PLN: variants seen among roughly 807,000 people sequenced by gnomAD.
PLN encodes the protein cardiac phospholamban.
Under a neutral mutation model 3.9 loss-of-function variants are expected in PLN, and 1 was observed. The observed-to-expected ratio is 0.26, with a 90% CI of 0.09 to 1.23. The LOEUF (loss-of-function observed/expected upper bound fraction) is 1.23. Ranked by LOEUF, PLN falls within the 50% of genes most tolerant of loss-of-function variation. PLN has a pLI of 0.48. For missense variants in PLN, 59 were observed against 62.7 expected (o/e 0.94, Z 0.20); for synonymous variants, 21 against 20.5 (o/e 1.02, Z -0.07).
In PLN at chr6:118,558,990, A is replaced by G. The variant is rs775923421; in HGVS notation, c.69A>G (p.Gln23=). ...CCTCAACCATTGAAATGCCTCAACA[A>G]GCACGTCAAAAGCTACAGAATCTAT... is the stretch of plus-strand genomic sequence containing the variant. The part of the protein sequence containing the change: ...RRASTIEMPQ[Q]ARQKLQNLFI... The change falls in exon 2 of 2, where the codon CAA becomes CAG. Residue 23 remains glutamine (Q), a synonymous_variant. Coordinates refer to ENST00000357525, the MANE Select transcript of PLN (RefSeq NM_002667.5). 2.5e-6 allele frequency: 4 copies of G among 1,611,440 alleles called. No individual in the cohort carries two copies. The East Asian group carries it at 6.7e-5, about 27-fold the overall frequency.
chr6:118,561,704 T>C lies in PLN; in HGVS notation c.*2624T>C, dbSNP rs1779233451. 6.6e-6 allele frequency among the ~76,000 whole-genome samples: 1 copy of C among 152,134 alleles called. No homozygotes were observed. The highest frequency in any genetic ancestry group is 1.5e-5 in the Non-Finnish European group (1 of 68,016). ...AGAATCACTATATTAAAATGAATGTTCTTGAAAACTCAGTGGGGCTGCTCT... is the reference window on the plus strand; with the variant it reads ...AGAATCACTATATTAAAATGAATGTCCTTGAAAACTCAGTGGGGCTGCTCT... On this transcript the variant is annotated 3_prime_UTR_variant, in exon 2 of 2. Transcript: ENST00000357525.
At position 118,559,812 on chromosome 6, in the gene PLN, G is replaced by A. The variant is rs930141620; in HGVS notation, c.*732G>A. 3 of 167,318 alleles carry A rather than the reference G, an allele frequency of 1.8e-5. No individual in the cohort carries two copies. Among genetic ancestry groups the A allele is most frequent in the African/African-American group, 7.2e-5 (3 of 41,440 alleles). The allele number at this position is 167,318 out of a possible 1,614,324, so 10.4% of individuals were successfully genotyped here. ...ATCATAAATCTGTTCTAAGACATAT[G>A]ATCAACAGATGAGAACTGGTGGTTA... On this transcript the variant is annotated 3_prime_UTR_variant, in exon 2 of 2. Transcript: ENST00000357525.
chr6:118,558,658 C>CAGAG (rs1210740872), intron 1 of PLN, among the ~76,000 whole-genome samples, 167 bp from the exon 2 acceptor site: 8 of 124,982 alleles, frequency 6.4e-5, no homozygotes, highest in Middle Eastern at 3.9e-3. Context: ...CACACACACA[C>CAGAG]ACAGAGAGAG....
At position 118,552,059 on chromosome 6, in the gene PLN, C is replaced by G. The variant is rs148187936; in HGVS notation, c.-98+3667C>G. Among the ~76,000 whole-genome samples the G allele has an allele frequency of 2.7e-3, 414 of 152,118 alleles. 2 individuals carry two copies. The highest frequency in any genetic ancestry group is 9.5e-3 in the African/African-American group (393 of 41,544). The stretch of plus-strand genomic sequence containing the variant: ...CAAATATAGACAAGTCCTGTTTATT[C>G]AATCTATAGAAAATTCTAATCTTCT... On this transcript the variant is annotated intron_variant, in intron 1 of 1. Coordinates refer to ENST00000357525, the MANE Select transcript of PLN (RefSeq NM_002667.5).
intron 1 of PLN, among the ~76,000 whole-genome samples, chr6:118,550,330 T>C (rs1778469094): frequency 1.3e-5 from 2 of 151,738 alleles, no homozygotes; most frequent in African/African-American, 4.8e-5. Context: ...TTTAATGTAT[T>C]TTAATGTTTT....
At chr6:118,554,631 TG>T (rs780474834) in intron 1 of PLN, among the ~76,000 whole-genome samples, 6 of 152,192 alleles carry the variant, frequency 3.9e-5, no homozygotes, top group Non-Finnish European at 8.8e-5. Flanking sequence ...AAATTGAAAT[TG>T]TGCTATAATC....
At chr6:118,558,779 A>G in intron 1 of PLN, 46 bp from the exon 2 acceptor site, 1 of 697,668 alleles carries the variant, frequency 1.4e-6, no homozygotes, top group Non-Finnish European at 2.6e-6. Context: ...TTCTGAGGAT[A>G]GGTTACATAG....
intron 1 of PLN, among the ~76,000 whole-genome samples, chr6:118,556,668 T>C (rs531276936): frequency 6.6e-6 from 1 of 152,108 alleles, no homozygotes; most frequent in African/African-American, 2.4e-5. Flanking sequence ...GAAAATAAAA[T>C]CTGACACCTG....
intron 1 of PLN, among the ~76,000 whole-genome samples, chr6:118,551,966 G>T (rs1365305681): frequency 6.6e-6 from 1 of 151,990 alleles, no homozygotes; most frequent in Non-Finnish European, 1.5e-5. Flanking sequence ...AAGGGTATAT[G>T]CACATTCACT....
chr6:118,556,206 T>A lies in PLN; in HGVS notation c.-97-2619T>A, dbSNP rs543086557. Among the ~76,000 whole-genome samples, 3 of 152,354 alleles carry A rather than the reference T, an allele frequency of 2.0e-5. No individual in the cohort carries two copies. In the South Asian group the frequency reaches 6.2e-4, roughly 32 times the overall value. ...GGGTCGAATGGTAGTTCTGCTTTTA[T>A]AAGCTGCTATTTTCTAAGTAGAAGT... On this transcript the variant is annotated intron_variant, in intron 1 of 1. Transcript: ENST00000357525.
chr6:118,554,625 T>G (rs969169532), intron 1 of PLN, among the ~76,000 whole-genome samples: 1 of 152,282 alleles, frequency 6.6e-6, no homozygotes, highest in South Asian at 2.1e-4. Context: ...ACATGTAAAT[T>G]GAAATTGTGC....
chr6:118,551,846 T>C (rs577384992), intron 1 of PLN, among the ~76,000 whole-genome samples: 4 of 152,136 alleles, frequency 2.6e-5, no homozygotes, highest in South Asian at 4.1e-4. Flanking sequence ...AGTTTAGTAT[T>C]AGGCAATCTC....
chr6:118,554,667 C>T (rs187936704), intron 1 of PLN, among the ~76,000 whole-genome samples: 1 of 152,284 alleles, frequency 6.6e-6, no homozygotes, highest in Admixed American at 6.5e-5. Flanking sequence ...ATATAGATAA[C>T]ACTAAAGCCC....
Position 118,559,058 on chromosome 6 carries a change from G to GT in PLN, c.138dup (p.Ile47TyrfsTer14). On this transcript the variant is annotated frameshift_variant, in exon 2 of 2. Coordinates refer to ENST00000357525, the MANE Select transcript of PLN (RefSeq NM_002667.5). LOFTEE classifies it high-confidence loss of function. ...ATCTTAATATGTCTCTTGCTGATCT[G>GT]TATCATCGTGATGCTTCTCTGAAGT... 1 of 1,611,822 alleles carries GT rather than the reference G, an allele frequency of 6.2e-7. No homozygotes were observed. Among genetic ancestry groups the GT allele is most frequent in the Non-Finnish European group, 8.5e-7 (1 of 1,177,878 alleles).
intron 1 of PLN, among the ~76,000 whole-genome samples, chr6:118,553,643 C>T (rs1396765204): frequency 2.0e-5 from 3 of 152,124 alleles, no homozygotes; most frequent in African/African-American, 7.2e-5. Flanking sequence ...TATTTTTGGT[C>T]ATCTCCTTTA....
chr6:118,560,203 G>C lies in PLN; in HGVS notation c.*1123G>C, dbSNP rs1307256931. 1 of 166,980 alleles carries C rather than the reference G, an allele frequency of 6.0e-6. No individual in the cohort carries two copies. Among genetic ancestry groups the C allele is most frequent in the Non-Finnish European group, 1.5e-5 (1 of 68,092 alleles). 10.3% of individuals were successfully genotyped at this position (166,980 alleles called of 1,614,324 possible). The stretch of plus-strand genomic sequence containing the variant: ...TGACCCTTGAACATGGGGGTTAGGG[G>C]AGCTGACAATTCGTGGGTCCGCAAA... On this transcript the variant is annotated 3_prime_UTR_variant, in exon 2 of 2. Coordinates refer to ENST00000357525, the MANE Select transcript of PLN (RefSeq NM_002667.5).
At chr6:118,556,383 GA>G (rs1406530860) in intron 1 of PLN, among the ~76,000 whole-genome samples, 1 of 152,188 alleles carries the variant, frequency 6.6e-6, no homozygotes, top group African/African-American at 2.4e-5. Context: ...CCAATATTAT[GA>G]AGGGGGACAG....
intron 1 of PLN, among the ~76,000 whole-genome samples, chr6:118,556,650 A>C (rs937109414): frequency 2.0e-5 from 3 of 152,196 alleles, no homozygotes; most frequent in Admixed American, 6.5e-5. Flanking sequence ...GTATAAAAGG[A>C]CTTAGGAGAA....
intron 1 of PLN, among the ~76,000 whole-genome samples, chr6:118,552,815 T>C (rs1469389143): frequency 6.6e-6 from 1 of 152,056 alleles, no homozygotes; most frequent in African/African-American, 2.4e-5. Flanking sequence ...CATAAGATAC[T>C]CTGTGGATAC....
Sources: allele counts gnomAD v4.1 joint callset (sites outside exome capture counted in the v4.1 genomes callset), GRCh38; gene constraint gnomAD v4.1.1; transcripts MANE v1.5; gene names NCBI Gene and HGNC (gene_info 2026-07-23, HGNC 2026-07-21).